The following BCAT1 variants were observed in gnomAD, a reference collection of about 807,000 sequenced individuals.
BCAT1 encodes branched-chain-amino-acid aminotransferase, cytosolic.
In BCAT1, 48 loss-of-function variants were observed where a neutral mutation model predicts 52.4. The ratio of observed to expected loss-of-function variants is 0.92; its 90% CI spans 0.73 to 1.16. BCAT1 has a LOEUF of 1.16. BCAT1 is among the 50% of genes most tolerant of loss of function. The probability of loss-of-function intolerance (pLI) is 0.00; values close to 1 mark genes in which losing one functional copy is unlikely to be tolerated. For missense variants in BCAT1, 451 were observed against 457.1 expected, an observed-to-expected ratio of 0.99 and a Z score of 0.12; for synonymous variants, 167 against 161.3, an observed-to-expected ratio of 1.04 and a Z score of -0.27.
chr12:24,903,808 G>A (rs1224357780), intron 1 of BCAT1: 1 of 152,224 alleles, frequency 6.6e-6, no homozygotes, highest in Admixed American at 6.5e-5. Flanking sequence ...AAAGGGAAAG[G>A]AGGATTGGAA....
At chr12:24,920,071 C>A (rs1418200957) in intron 1 of BCAT1, among the ~76,000 whole-genome samples, 1 of 152,106 alleles carries the variant, frequency 6.6e-6, no homozygotes, top group Non-Finnish European at 1.5e-5. Context: ...GACTAATACA[C>A]TTACCCTCTC....
intron 5 of BCAT1, among the ~76,000 whole-genome samples, chr12:24,852,437 T>C (rs150942116): frequency 4.1e-4 from 63 of 152,344 alleles, no homozygotes; most frequent in African/African-American, 1.4e-3. Flanking sequence ...TTAATAGCTA[T>C]CACAAAAATG....
chr12:24,938,726 G>C (rs1943805104), intron 1 of BCAT1, among the ~76,000 whole-genome samples: 1 of 152,076 alleles, frequency 6.6e-6, no homozygotes, highest in Non-Finnish European at 1.5e-5. Context: ...TGTTCATCAG[G>C]TCTTCTTTCG....
intron 1 of BCAT1, among the ~76,000 whole-genome samples, chr12:24,917,398 G>C (rs964778113): frequency 6.6e-6 from 1 of 152,100 alleles, no homozygotes; most frequent in Non-Finnish European, 1.5e-5. Context: ...TAGCCAGGAT[G>C]GTCTCGATCT....
At position 24,810,951 on chromosome 12, in the gene BCAT1, C is replaced by A. The variant is rs1030209277; in HGVS notation, c.*7057G>T. On this transcript the variant is annotated 3_prime_UTR_variant, in exon 11 of 11. Transcript: ENST00000261192. ...CTAGGCCTTTTACTTTTTAAAGTGT[C>A]TTTTATTCTAAAGCTAGTTAACCAC... The A allele has an allele frequency of 6.6e-6, 1 of 152,094 alleles. No homozygotes were observed. The highest frequency in any genetic ancestry group is 6.6e-5 in the Admixed American group (1 of 15,258). 9.4% of individuals were successfully genotyped at this position (152,094 alleles called of 1,614,324 possible).
chr12:24,870,020 G>T (rs1030572285), intron 5 of BCAT1, among the ~76,000 whole-genome samples: 3 of 152,074 alleles, frequency 2.0e-5, no homozygotes, highest in African/African-American at 7.2e-5. Flanking sequence ...GTGTGTGTGT[G>T]TGTGTATTTC....
At chr12:24,841,916 G>GA (rs918072131) in intron 7 of BCAT1, among the ~76,000 whole-genome samples, 166 bp downstream of exon 7, 3 of 151,648 alleles carry the variant, frequency 2.0e-5, no homozygotes, top group Admixed American at 2.0e-4. Context: ...AAGAAAGAAA[G>GA]AAAAAAAAGA....
At chr12:24,861,197 C>T (rs1479017593) in intron 5 of BCAT1, among the ~76,000 whole-genome samples, 1 of 152,112 alleles carries the variant, frequency 6.6e-6, no homozygotes, top group Non-Finnish European at 1.5e-5. Flanking sequence ...ATGAACCAAC[C>T]AGTGATCTCT....
In BCAT1 at chr12:24,878,600, A is replaced by G; in HGVS notation, c.440T>C (p.Leu147Ser). Reference sequence around the variant, plus strand: ...TGAATATGGGACCCATTCTTGATCCAATTTCACAAGCTGTTGAATACACTC... The same window carrying G: ...TGAATATGGGACCCATTCTTGATCCGATTTCACAAGCTGTTGAATACACTC... ...LLECIQQLVK[L>S]DQEWVPYSTS... The change falls in exon 5 of 11, where the codon TTG (leucine) becomes TCG (serine). Residue 147 changes from leucine (L) to serine (S), a missense_variant. Leu to Ser is a moderately radical substitution (Grantham distance 145). Transcript: ENST00000261192. The G allele has an allele frequency of 6.2e-7, 1 of 1,609,928 alleles. No homozygotes were observed. The highest frequency in any genetic ancestry group is 8.5e-7 in the Non-Finnish European group (1 of 1,176,518).
chr12:24,879,172 G>C (rs1942428276), intron 4 of BCAT1, among the ~76,000 whole-genome samples: 1 of 151,868 alleles, frequency 6.6e-6, no homozygotes, highest in Non-Finnish European at 1.5e-5. Flanking sequence ...AATCATGAAG[G>C]AAAAAAATGG....
At chr12:24,897,696 G>A (rs561412300) in intron 2 of BCAT1, among the ~76,000 whole-genome samples, 1 of 152,194 alleles carries the variant, frequency 6.6e-6, no homozygotes, top group Non-Finnish European at 1.5e-5. Context: ...TGGGACTACA[G>A]GCATGTGCCA....
chr12:24,846,316 C>G (rs934830781), intron 6 of BCAT1, among the ~76,000 whole-genome samples: 1 of 152,190 alleles, frequency 6.6e-6, no homozygotes, highest in African/African-American at 2.4e-5. Context: ...CCAGAGTTCT[C>G]TCACAGGTGT....
intron 2 of BCAT1, among the ~76,000 whole-genome samples, chr12:24,897,181 A>T (rs1353819234): frequency 1.3e-5 from 2 of 152,188 alleles, no homozygotes; most frequent in East Asian, 3.8e-4. Flanking sequence ...ACACAAAACA[A>T]AAACAGAAAG....
intron 5 of BCAT1, among the ~76,000 whole-genome samples, chr12:24,866,094 AC>A (rs1465694828): frequency 1.3e-4 from 19 of 151,832 alleles, no homozygotes; most frequent in Admixed American, 1.2e-3. Context: ...ATGGGCGGGA[AC>A]CCGGGCTGCG....
In BCAT1 at chr12:24,836,536, C is replaced by T; in HGVS notation, c.878G>A (p.Cys293Tyr). The change falls in exon 8 of 11, where the codon TGC becomes TAC. Residue 293 changes from cysteine (C) to tyrosine (Y), a missense_variant. Coordinates refer to ENST00000261192, the MANE Select transcript of BCAT1 (RefSeq NM_005504.7). ...CCACTGATGTGCCAGGTCCAGAATG[C>T]ACCGCCTTGTCACTCCTGGAAGAAT... ...GIILPGVTRR[C>Y]ILDLAHQWGE... is the part of the protein sequence containing the mutation. 1 of 1,613,068 alleles carries T rather than the reference C, an allele frequency of 6.2e-7. No individual in the cohort carries two copies. Among genetic ancestry groups the T allele is most frequent in the Non-Finnish European group, 8.5e-7 (1 of 1,179,566 alleles).
chr12:24,823,759 G>A (rs900602679), intron 10 of BCAT1, among the ~76,000 whole-genome samples: 1 of 152,104 alleles, frequency 6.6e-6, no homozygotes, highest in African/African-American at 2.4e-5. Context: ...CGCCATGACT[G>A]TAAGTTTCCT....
chr12:24,838,444 C>T (rs575856632), intron 7 of BCAT1, among the ~76,000 whole-genome samples: 1 of 152,032 alleles, frequency 6.6e-6, no homozygotes, highest in African/African-American at 2.4e-5. Context: ...TCAAAATAAA[C>T]ATGTGTTTTG....
intron 10 of BCAT1, among the ~76,000 whole-genome samples, chr12:24,829,450 A>C (rs778349742): frequency 3.3e-5 from 5 of 152,168 alleles, no homozygotes; most frequent in Non-Finnish European, 5.9e-5. Context: ...ATGCACTGTA[A>C]TTTTCTTCCT....
Position 24,816,687 on chromosome 12 carries a change from G to C in BCAT1, c.*1321C>G, listed in dbSNP as rs1012316914. On this transcript the variant is annotated 3_prime_UTR_variant, in exon 11 of 11. Coordinates refer to ENST00000261192, the MANE Select transcript of BCAT1 (RefSeq NM_005504.7). ...GGTATGATATCATGACCTCTCTCTA[G>C]AGCAGTGGTCCCCAACATTTTTGGC... 34 of 396,586 alleles carry C rather than the reference G, an allele frequency of 8.6e-5. No individual in the cohort carries two copies. Among genetic ancestry groups the C allele is most frequent in the African/African-American group, 6.8e-4 (33 of 48,428 alleles). The allele number at this position is 396,586 out of a possible 1,614,324, so 24.6% of individuals were successfully genotyped here. A position where few individuals can be genotyped will look rare whatever the true frequency, so the allele number is the denominator to read the frequency against.
Sources: gnomAD v4.1 joint callset for allele counts (sites outside exome capture counted in the v4.1 genomes callset) on GRCh38, gnomAD v4.1.1 for gene constraint, MANE v1.5 for transcripts, NCBI Gene and HGNC (gene_info 2026-07-23, HGNC 2026-07-21) for gene names.